The following SSBP2 variants were observed in gnomAD, a reference collection of about 807,000 sequenced individuals.
The protein encoded by SSBP2 is single-stranded DNA-binding protein 2.
A neutral mutation model predicts 61.8 loss-of-function variants in SSBP2; 17 were observed. The observed-to-expected ratio is 0.28, with a 90% CI of 0.19 to 0.41. The LOEUF (loss-of-function observed/expected upper bound fraction) is 0.41. SSBP2 is among the 10% of genes least tolerant of loss of function. The probability of loss-of-function intolerance (pLI) is 1.00; values close to 1 mark genes in which losing one functional copy is unlikely to be tolerated. For synonymous variants in SSBP2, 139 were observed against 141.3 expected (o/e 0.98, Z 0.12); for missense variants, 310 against 458.7 (o/e 0.68, Z 2.96).
intron 2 of SSBP2, among the ~76,000 whole-genome samples, chr5:81,643,720 A>G (rs1413034783): frequency 6.8e-6 from 1 of 146,934 alleles, no homozygotes; most frequent in Non-Finnish European, 1.5e-5. Flanking sequence ...CTCCTGCCTC[A>G]GCCTCCCGAG....
chr5:81,589,792 C>A (rs569733870), intron 4 of SSBP2, among the ~76,000 whole-genome samples: 11 of 151,968 alleles, frequency 7.2e-5, no homozygotes, highest in African/African-American at 2.7e-4. Flanking sequence ...AATTGAGAGG[C>A]TATATCTGGT....
chr5:81,440,481 G>A (rs754641406), intron 14 of SSBP2, 77 bp downstream of exon 14: 1 of 1,269,814 alleles, frequency 7.9e-7, no homozygotes, highest in Non-Finnish European at 1.1e-6. Context: ...GAAGAACTTT[G>A]GAAACTGTAA....
chr5:81,423,578 AC>A (rs1403474386), intron 16 of SSBP2, among the ~76,000 whole-genome samples: 1 of 152,066 alleles, frequency 6.6e-6, no homozygotes, highest in Non-Finnish European at 1.5e-5. Flanking sequence ...CTCTGTCTCT[AC>A]TAAAAAATAC....
intron 7 of SSBP2, 33 bp from the exon 8 acceptor site, chr5:81,473,803 T>A: frequency 1.3e-6 from 2 of 1,589,152 alleles, no homozygotes; most frequent in South Asian, 2.2e-5. Flanking sequence ...AGCAAAGTAA[T>A]GAGCATGAGT....
intron 4 of SSBP2, among the ~76,000 whole-genome samples, chr5:81,529,946 G>A (rs1241091814): frequency 6.6e-6 from 1 of 152,046 alleles, no homozygotes; most frequent in African/African-American, 2.4e-5. Context: ...AGAGGAATAA[G>A]GGAAAATTGA....
intron 3 of SSBP2, among the ~76,000 whole-genome samples, chr5:81,620,807 T>C (rs1438885234): frequency 1.4e-4 from 1 of 7,056 alleles, no homozygotes; most frequent in African/African-American, 9.0e-4. Flanking sequence ...GCCACATATC[T>C]ACAACTATCT....
chr5:81,733,402 T>C (rs1344416675), intron 1 of SSBP2, among the ~76,000 whole-genome samples: 2 of 151,814 alleles, frequency 1.3e-5, no homozygotes, highest in Non-Finnish European at 2.9e-5. Context: ...ATTATGGTTG[T>C]AGGGATTCCC....
chr5:81,481,945 T>TA (rs1183564338), intron 6 of SSBP2, among the ~76,000 whole-genome samples: 2 of 151,918 alleles, frequency 1.3e-5, no homozygotes, highest in Non-Finnish European at 2.9e-5. Context: ...AGATTTAGTA[T>TA]AAAATTTTTT....
intron 4 of SSBP2, among the ~76,000 whole-genome samples, chr5:81,591,780 T>C (rs540109747): frequency 1.8e-4 from 28 of 151,882 alleles, no homozygotes; most frequent in Middle Eastern, 3.2e-3. Flanking sequence ...GAACAGATCA[T>C]CCAAGAGTTA....
chr5:81,642,891 C>T (rs1748914729), intron 2 of SSBP2, among the ~76,000 whole-genome samples: 1 of 152,166 alleles, frequency 6.6e-6, no homozygotes, highest in African/African-American at 2.4e-5. Context: ...GATGTACATA[C>T]ATAAATATAT....
At chr5:81,486,451 T>C (rs770382565) in intron 6 of SSBP2, among the ~76,000 whole-genome samples, 15 of 152,094 alleles carry the variant, frequency 9.9e-5, no homozygotes, top group Admixed American at 6.6e-4. Context: ...ATTTTCAACA[T>C]TGATACACAA....
intron 1 of SSBP2, among the ~76,000 whole-genome samples, chr5:81,693,827 G>C (rs1753395492): frequency 6.6e-6 from 1 of 152,152 alleles, no homozygotes. Flanking sequence ...CCCATTGCTA[G>C]GTATACACCC....
chr5:81,481,311 T>C (rs955390355), intron 6 of SSBP2, among the ~76,000 whole-genome samples: 42 of 152,150 alleles, frequency 2.8e-4, no homozygotes, highest in African/African-American at 9.7e-4. Flanking sequence ...TACAGCTTTA[T>C]GGAATATATT....
In SSBP2 at chr5:81,552,991, C is replaced by G. The variant is rs1383332419; in HGVS notation, c.283-39274G>C. On this transcript the variant is annotated intron_variant, in intron 4 of 16. Transcript: ENST00000320672. Reference sequence around the variant, plus strand: ...AGGATACAAACTGTCAGGAGTACTTCCAGCACAGTAGCAGTTCAGGAAATG... The same window carrying G: ...AGGATACAAACTGTCAGGAGTACTTGCAGCACAGTAGCAGTTCAGGAAATG... Among the ~76,000 whole-genome samples the G allele has an allele frequency of 2.0e-5, 3 of 152,088 alleles. No homozygotes were observed. In the East Asian group the frequency reaches 5.8e-4, roughly 29 times the overall value.
intron 5 of SSBP2, among the ~76,000 whole-genome samples, chr5:81,510,974 C>T (rs944014151): frequency 9.9e-5 from 15 of 152,100 alleles, no homozygotes; most frequent in Middle Eastern, 3.4e-3. Flanking sequence ...CCTACAAGGC[C>T]CCTGCAGTCC....
intron 1 of SSBP2, among the ~76,000 whole-genome samples, chr5:81,685,529 A>G (rs1752708336): frequency 6.6e-6 from 1 of 152,212 alleles, no homozygotes; most frequent in South Asian, 2.1e-4. Context: ...AAACTGCTTT[A>G]AAAAATAAAT....
At chr5:81,484,818 T>C (rs776943458) in intron 6 of SSBP2, among the ~76,000 whole-genome samples, 3 of 152,120 alleles carry the variant, frequency 2.0e-5, no homozygotes, top group Non-Finnish European at 4.4e-5. Flanking sequence ...TTCAGTAGAA[T>C]GGTCAGATGT....
chr5:81,564,041 A>C (rs372982805), intron 4 of SSBP2, among the ~76,000 whole-genome samples: 1 of 152,206 alleles, frequency 6.6e-6, no homozygotes, highest in African/African-American at 2.4e-5. Context: ...ACACAATAGC[A>C]AAAGAAAAAC....
intron 11 of SSBP2, among the ~76,000 whole-genome samples, chr5:81,447,408 C>A (rs1254041911): frequency 3.3e-5 from 5 of 152,124 alleles, no homozygotes; most frequent in Non-Finnish European, 2.9e-5. Context: ...AGCACTGTAC[C>A]TTCCACTATC....
Sources: gnomAD v4.1 joint callset for allele counts (sites outside exome capture counted in the v4.1 genomes callset) on GRCh38, gnomAD v4.1.1 for gene constraint, MANE v1.5 for transcripts, NCBI Gene and HGNC (gene_info 2026-07-23, HGNC 2026-07-21) for gene names.